TMEM192: variants seen among roughly 807,000 people sequenced by gnomAD.
TMEM192 encodes the protein transmembrane protein 192.
TMEM192 carries 20 observed loss-of-function variants against 26.7 expected under a neutral mutation model. The observed-to-expected ratio is 0.75, with a 90% confidence interval of 0.53 to 1.09. The LOEUF is 1.09. Ranked by LOEUF, TMEM192 falls within the 50% of genes least tolerant of loss-of-function variation. The pLI is 0.00. For synonymous variants in TMEM192, 124 were observed against 121.0 expected, an observed-to-expected ratio of 1.02 and a Z score of -0.16; for missense variants, 304 against 322.6, an observed-to-expected ratio of 0.94 and a Z score of 0.44.
At position 165,103,213 on chromosome 4, in the gene TMEM192, C is replaced by T. The variant is rs1011916301; in HGVS notation, c.28-117G>A. 4 of 777,828 alleles carry T rather than the reference C, an allele frequency of 5.1e-6. No individual in the cohort carries two copies. The African/African-American group carries it at 5.4e-5, about 10-fold the overall frequency. The allele number at this position is 777,828 out of a possible 1,614,324, so 48.2% of individuals were successfully genotyped here. ...CATACAAATTAAAGGCAAGAGAACA[C>T]ATTGCCTACCTGAATCCAATTTTTT... On this transcript the variant is annotated intron_variant, in intron 1 of 5. Transcript: ENST00000306480.
chr4:165,079,290 G>T lies in TMEM192; in HGVS notation c.*368C>A, dbSNP rs1052844863. 10 of 175,662 alleles carry T rather than the reference G, an allele frequency of 5.7e-5. No individual in the cohort carries two copies. Among genetic ancestry groups the T allele is most frequent in the African/African-American group, 4.7e-5 (2 of 42,374 alleles). The allele number at this position is 175,662 out of a possible 1,614,324, so 10.9% of individuals were successfully genotyped here. The stretch of plus-strand genomic sequence containing the variant: ...TTTGATTAAAACCCTGTTTAAAATC[G>T]ATTGTCTTGTTAGACTTCCCCTATC... On this transcript the variant is annotated 3_prime_UTR_variant, in exon 6 of 6. Transcript: ENST00000306480.
chr4:165,086,838 G>T (rs945160737), intron 4 of TMEM192, among the ~76,000 whole-genome samples: 1 of 151,478 alleles, frequency 6.6e-6, no homozygotes, highest in Non-Finnish European at 1.5e-5. Flanking sequence ...TTCAGGCTGG[G>T]CATGGTGGCT....
chr4:165,085,488 A>G (rs1734590335), intron 5 of TMEM192, 98 bp downstream of exon 5: 3 of 800,748 alleles, frequency 3.7e-6, no homozygotes, highest in Admixed American at 2.6e-5. Context: ...AAACAAATGT[A>G]AAAGTACAAA....
chr4:165,089,961 C>T (rs889245363), intron 3 of TMEM192, among the ~76,000 whole-genome samples: 9 of 151,950 alleles, frequency 5.9e-5, no homozygotes, highest in Non-Finnish European at 1.5e-5. Flanking sequence ...CCTGTAATCC[C>T]AACACTTTGG....
Position 165,085,681 on chromosome 4 carries a change from G to A in TMEM192, c.582C>T (p.Ile194=), listed in dbSNP as rs141009367. 1.3e-6 allele frequency: 2 copies of A among 1,594,962 alleles called. No individual in the cohort carries two copies. The highest frequency in any genetic ancestry group is 1.4e-5 in the African/African-American group (1 of 73,974). Residue 194 remains isoleucine, a synonymous_variant, in exon 5 of 6, where the codon ATC becomes ATT. Transcript: ENST00000306480. ...LICLLIYTVK[I]RRFNKAKPEP... is the part of the protein sequence containing the mutation. ...CTGGTTTAGCTTTATTAAATCTCCGGATTTTCACTAAAATAATAAAGTCAT... is the reference window on the plus strand; with the variant it reads ...CTGGTTTAGCTTTATTAAATCTCCGAATTTTCACTAAAATAATAAAGTCAT...
intron 3 of TMEM192, among the ~76,000 whole-genome samples, chr4:165,095,782 A>AT (rs1011032673): frequency 3.0e-4 from 45 of 151,494 alleles, no homozygotes; most frequent in African/African-American, 9.7e-4. Context: ...ATTTTTAAAA[A>AT]TTTTTTTTTA....
At chr4:165,107,822 T>A (rs947421840) in intron 1 of TMEM192, among the ~76,000 whole-genome samples, 2 of 152,218 alleles carry the variant, frequency 1.3e-5, no homozygotes, top group African/African-American at 4.8e-5. Flanking sequence ...AGCCCCAGCA[T>A]CATTCCTACT....
At chr4:165,087,206 G>A (rs1734641157) in intron 4 of TMEM192, among the ~76,000 whole-genome samples, 2 of 152,168 alleles carry the variant, frequency 1.3e-5, no homozygotes, top group Admixed American at 6.5e-5. Flanking sequence ...CAGGGAAGCT[G>A]TTAACAATCA....
At chr4:165,099,926 G>A (rs1204235169) in intron 3 of TMEM192, among the ~76,000 whole-genome samples, 1 of 151,976 alleles carries the variant, frequency 6.6e-6, no homozygotes, top group Non-Finnish European at 1.5e-5. Context: ...TTCAGTCTTG[G>A]GTGACAGAGC....
chr4:165,093,843 G>A (rs1291022450), intron 3 of TMEM192, among the ~76,000 whole-genome samples: 1 of 151,800 alleles, frequency 6.6e-6, no homozygotes, highest in East Asian at 1.9e-4. Context: ...GGCCTCCCTA[G>A]TAGCTGGAAT....
rs185310685 is a variant in TMEM192, at chr4:165,096,356, G to A, written c.439+4272C>T. Among the ~76,000 whole-genome samples the A allele has an allele frequency of 3.0e-3, 450 of 151,780 alleles. 4 individuals carry two copies. Among genetic ancestry groups the A allele is most frequent in the African/African-American group, 0.01 (428 of 41,434 alleles). Reference sequence around the variant, plus strand: ...GGAGGCAGAGGTTGCAGTTAGCTGAGTTCATACCACTGCACTCCAGCCTGG... The same window carrying A: ...GGAGGCAGAGGTTGCAGTTAGCTGAATTCATACCACTGCACTCCAGCCTGG... On this transcript the variant is annotated intron_variant, in intron 3 of 5. Coordinates refer to ENST00000306480, the MANE Select transcript of TMEM192 (RefSeq NM_001100389.2).
intron 2 of TMEM192, among the ~76,000 whole-genome samples, chr4:165,101,845 G>T (rs942851630): frequency 6.6e-6 from 1 of 152,166 alleles, no homozygotes; most frequent in African/African-American, 2.4e-5. Flanking sequence ...CAGCTGCAGG[G>T]GAAGCCAGGA....
At chr4:165,100,588 C>G in intron 3 of TMEM192, 40 bp downstream of exon 3, 1 of 1,576,594 alleles carries the variant, frequency 6.3e-7, no homozygotes, top group South Asian at 1.2e-5. Context: ...TCATTTTTGT[C>G]CCTCAAGCAC....
chr4:165,092,112 C>CTTTTTTTTTTTTTTTTTTTTT (rs35641833), intron 3 of TMEM192, among the ~76,000 whole-genome samples: 2 of 72,074 alleles, frequency 2.8e-5, no homozygotes, highest in African/African-American at 1.3e-4. Flanking sequence ...TAATGCTGTT[C>CTTTTTTTTTTTTTTTTTTTTT]TTTTTTTTTT....
rs182886758 is a variant in TMEM192 at position 165,087,801 on chromosome 4, T to G, written c.574+667A>C. On this transcript the variant is annotated intron_variant, in intron 4 of 5. Coordinates refer to ENST00000306480, the MANE Select transcript of TMEM192 (RefSeq NM_001100389.2). ...TTAAAGTGCTAGCCTCCTAAAGTGCTAGGATTACAGACATGAGCCACTGTG... is the reference window on the plus strand; with the variant it reads ...TTAAAGTGCTAGCCTCCTAAAGTGCGAGGATTACAGACATGAGCCACTGTG... Among the ~76,000 whole-genome samples, 527 of 152,284 alleles carry G rather than the reference T, an allele frequency of 3.5e-3. 4 individuals are homozygous for G. The highest frequency in any genetic ancestry group is 0.024 in the Middle Eastern group (7 of 290).
intron 3 of TMEM192, among the ~76,000 whole-genome samples, chr4:165,094,974 C>CA (rs11289599): frequency 0.015 from 2,042 of 137,488 alleles, 60 homozygotes; most frequent in African/African-American, 0.054. Flanking sequence ...AACTCAGTCT[C>CA]AAAAAAAAAA....
intron 3 of TMEM192, among the ~76,000 whole-genome samples, chr4:165,092,136 TTTTG>T (rs1734780661): frequency 8.6e-6 from 1 of 116,102 alleles, no homozygotes; most frequent in South Asian, 2.9e-4. Context: ...TTTTTTTTTT[TTTTG>T]AGATGGAGTC....
chr4:165,090,118 G>A (rs1734718431), intron 3 of TMEM192, among the ~76,000 whole-genome samples: 1 of 150,110 alleles, frequency 6.7e-6, no homozygotes, highest in South Asian at 2.1e-4. Flanking sequence ...GGCTGAGGCA[G>A]GAGAATCACT....
intron 1 of TMEM192, among the ~76,000 whole-genome samples, chr4:165,104,214 A>G (rs1213539014): frequency 6.6e-6 from 1 of 152,152 alleles, no homozygotes; most frequent in Non-Finnish European, 1.5e-5. Flanking sequence ...AAAAGAAAAA[A>G]AGAATATGGT....
Sources: allele counts gnomAD v4.1 joint callset (sites outside exome capture counted in the v4.1 genomes callset), GRCh38; gene constraint gnomAD v4.1.1; transcripts MANE v1.5; gene names NCBI Gene and HGNC (gene_info 2026-07-23, HGNC 2026-07-21).